GDAP2: variants seen among roughly 807,000 people sequenced by gnomAD.
GDAP2 encodes ganglioside-induced differentiation-associated protein 2.
A neutral mutation model predicts 67.0 loss-of-function variants in GDAP2; 51 were observed. That is an observed-to-expected ratio of 0.76 (90% CI 0.61 to 0.96). The LOEUF (loss-of-function observed/expected upper bound fraction) is 0.96. GDAP2 is among the 40% of genes least tolerant of loss of function. The pLI is 0.00. For missense variants in GDAP2, 547 were observed against 588.3 expected (o/e 0.93, Z 0.73); for synonymous variants, 203 against 207.3 (o/e 0.98, Z 0.18).
intron 5 of GDAP2, among the ~76,000 whole-genome samples, chr1:117,908,017 C>T (rs377710962): frequency 3.9e-5 from 6 of 152,138 alleles, no homozygotes; most frequent in African/African-American, 1.2e-4. Context: ...TTGCTGTATT[C>T]AAAACATACC....
chr1:117,867,760 A>T lies in GDAP2; in HGVS notation c.*2809T>A, dbSNP rs1316429727. 2.0e-5 allele frequency: 3 copies of T among 152,042 alleles called. No homozygotes were observed. In the East Asian group the frequency reaches 5.8e-4, roughly 29 times the overall value. The allele number at this position is 152,042 out of a possible 1,614,324, so 9.4% of individuals were successfully genotyped here. A position where few individuals can be genotyped will look rare whatever the true frequency, so the allele number is the denominator to read the frequency against. On this transcript the variant is annotated 3_prime_UTR_variant, in exon 14 of 14. Transcript: ENST00000369443. ...CATCCGCCAATGAAACATAATATAC[A>T]TTAAAGGAGAAAACGTCTTTAAAAT...
chr1:117,880,857 G>C (rs1648624907), intron 12 of GDAP2, among the ~76,000 whole-genome samples: 1 of 152,204 alleles, frequency 6.6e-6, no homozygotes, highest in South Asian at 2.1e-4. Flanking sequence ...CAAGTGCTCA[G>C]AAAACTTAAG....
intron 8 of GDAP2, among the ~76,000 whole-genome samples, chr1:117,889,138 C>T (rs1463970015): frequency 6.6e-6 from 1 of 152,034 alleles, no homozygotes; most frequent in Non-Finnish European, 1.5e-5. Context: ...AAATCATATG[C>T]ACTATTCCAT....
At position 117,922,158 on chromosome 1, in the gene GDAP2, C is replaced by T. The variant is rs182790444; in HGVS notation, c.-67-1734G>A. On this transcript the variant is annotated intron_variant, in intron 1 of 13. Transcript: ENST00000369443. ...ATGAGGCTAGAGCTCACAGAAGATG[C>T]GGCTAAAGATATAAATTTGGAATTC... 2.4e-4 allele frequency among the ~76,000 whole-genome samples: 37 copies of T among 152,154 alleles called. 1 individual carries two copies. In the East Asian group the frequency reaches 3.3e-3, roughly 14 times the overall value.
chr1:117,910,624 C>T (rs1214319891), intron 5 of GDAP2, among the ~76,000 whole-genome samples: 5 of 152,084 alleles, frequency 3.3e-5, no homozygotes, highest in East Asian at 3.9e-4. Flanking sequence ...TTCAGCTCTT[C>T]GACTTTAAAT....
At chr1:117,914,419 T>C (rs1385137749) in intron 3 of GDAP2, among the ~76,000 whole-genome samples, 2 of 151,226 alleles carry the variant, frequency 1.3e-5, no homozygotes, top group East Asian at 2.0e-4. Flanking sequence ...CAAAAATAAA[T>C]TGAAAATAAG....
In GDAP2 at chr1:117,881,895, T is replaced by C; in HGVS notation, c.1248-18A>G. On this transcript the variant is annotated intron_variant, in intron 11 of 13. Coordinates refer to ENST00000369443, the MANE Select transcript of GDAP2 (RefSeq NM_017686.4). The stretch of plus-strand genomic sequence containing the variant: ...TCTTGTACCTGATCCAAAAATAAAA[T>C]GACAAAAAAAATCAGTATAAGTTCA... 6.8e-7 allele frequency: 1 copy of C among 1,464,946 alleles called. No individual in the cohort carries two copies. The highest frequency in any genetic ancestry group is 9.6e-7 in the Non-Finnish European group (1 of 1,044,752). The allele number at this position is 1,464,946 out of a possible 1,614,324, so 90.7% of individuals were successfully genotyped here. A position where few individuals can be genotyped will look rare whatever the true frequency, so the allele number is the denominator to read the frequency against.
rs1392323685 is a variant in GDAP2, at chr1:117,868,514, A to G, written c.*2055T>C. On this transcript the variant is annotated 3_prime_UTR_variant, in exon 14 of 14. Coordinates refer to ENST00000369443, the MANE Select transcript of GDAP2 (RefSeq NM_017686.4). Reference sequence around the variant, plus strand: ...AATCATTGCCTGTAAGAAATTGTATATATAAATTTGCTTCCTTTCAAATTG... The same window carrying G: ...AATCATTGCCTGTAAGAAATTGTATGTATAAATTTGCTTCCTTTCAAATTG... 1 of 152,192 alleles carries G rather than the reference A, an allele frequency of 6.6e-6. No homozygotes were observed. Among genetic ancestry groups the G allele is most frequent in the Non-Finnish European group, 1.5e-5 (1 of 68,032 alleles). The allele number at this position is 152,192 out of a possible 1,614,324, so 9.4% of individuals were successfully genotyped here. A position where few individuals can be genotyped will look rare whatever the true frequency, so the allele number is the denominator to read the frequency against.
chr1:117,902,670 G>A (rs905672358), intron 6 of GDAP2, among the ~76,000 whole-genome samples: 11 of 152,134 alleles, frequency 7.2e-5, no homozygotes, highest in African/African-American at 2.7e-4. Context: ...CAGCTTTGTA[G>A]TAAGTTTTGA....
In GDAP2 at chr1:117,870,376, T is replaced by C; in HGVS notation, c.*193A>G. On this transcript the variant is annotated 3_prime_UTR_variant, in exon 14 of 14. Coordinates refer to ENST00000369443, the MANE Select transcript of GDAP2 (RefSeq NM_017686.4). ...TATAAATATACAAATTTAAAATGTG[T>C]GCAGTTCAGAATGGCCTACCATTTT... The C allele has an allele frequency of 1.8e-6, 1 of 566,334 alleles. No homozygotes were observed. Among genetic ancestry groups the C allele is most frequent in the Non-Finnish European group, 3.1e-6 (1 of 318,302 alleles). The allele number at this position is 566,334 out of a possible 1,614,324, so 35.1% of individuals were successfully genotyped here.
chr1:117,883,827 A>G (rs1485717431), intron 10 of GDAP2, among the ~76,000 whole-genome samples, 200 bp from the exon 11 acceptor site: 2 of 152,188 alleles, frequency 1.3e-5, no homozygotes, highest in Non-Finnish European at 2.9e-5. Flanking sequence ...CCAGTGTTTA[A>G]TAATTCTCAT....
At chr1:117,900,435 T>C (rs1234744363) in intron 6 of GDAP2, among the ~76,000 whole-genome samples, 1 of 152,184 alleles carries the variant, frequency 6.6e-6, no homozygotes, top group Non-Finnish European at 1.5e-5. Context: ...CTAATCTTTC[T>C]GTCACTATGA....
chr1:117,908,599 G>A (rs1056204297), intron 5 of GDAP2, among the ~76,000 whole-genome samples: 7 of 152,090 alleles, frequency 4.6e-5, no homozygotes, highest in East Asian at 1.9e-4. Context: ...AGGGCAAGAC[G>A]ATTACTTGAG....
intron 5 of GDAP2, among the ~76,000 whole-genome samples, chr1:117,910,093 G>T (rs1649801382): frequency 6.6e-6 from 1 of 152,102 alleles, no homozygotes; most frequent in Non-Finnish European, 1.5e-5. Flanking sequence ...CCATTTAGAA[G>T]ATAGGCATGT....
chr1:117,914,357 A>G (rs892621076), intron 3 of GDAP2, among the ~76,000 whole-genome samples: 1 of 152,218 alleles, frequency 6.6e-6, no homozygotes, highest in African/African-American at 2.4e-5. Flanking sequence ...GCAGAAATGA[A>G]AAGTTCAATA....
intron 8 of GDAP2, among the ~76,000 whole-genome samples, chr1:117,892,994 A>G (rs977960689): frequency 7.2e-5 from 11 of 152,054 alleles, no homozygotes; most frequent in Non-Finnish European, 1.3e-4. Flanking sequence ...TTAGTTTAAC[A>G]TTTTTCTCCT....
intron 9 of GDAP2, 121 bp downstream of exon 9, chr1:117,887,577 T>C (rs749136445): frequency 2.8e-6 from 2 of 717,398 alleles, no homozygotes; most frequent in Non-Finnish European, 5.1e-6. Flanking sequence ...TCTTTATTAG[T>C]ACAAAACCAT....
chr1:117,906,378 C>G (rs1185653849), intron 6 of GDAP2, 128 bp downstream of exon 6: 1 of 591,706 alleles, frequency 1.7e-6, no homozygotes, highest in Non-Finnish European at 3.0e-6. Flanking sequence ...GTAAGACCCA[C>G]TGTCAAATAC....
At chr1:117,891,344 G>T (rs1649078264) in intron 8 of GDAP2, among the ~76,000 whole-genome samples, 1 of 151,734 alleles carries the variant, frequency 6.6e-6, no homozygotes, top group Non-Finnish European at 1.5e-5. Flanking sequence ...AATTTTAGGA[G>T]ATAAGGACAA....
Sources: gnomAD v4.1 joint callset for allele counts (sites outside exome capture counted in the v4.1 genomes callset) on GRCh38, gnomAD v4.1.1 for gene constraint, MANE v1.5 for transcripts, NCBI Gene and HGNC (gene_info 2026-07-23, HGNC 2026-07-21) for gene names.